The following STK3 variants were observed in gnomAD, a reference collection of about 807,000 sequenced individuals.
The protein encoded by STK3 is serine/threonine-protein kinase 3.
STK3 carries 41 observed loss-of-function variants against 58.0 expected under a neutral mutation model. The ratio of observed to expected loss-of-function variants is 0.71; its 90% CI spans 0.55 to 0.92. The LOEUF (loss-of-function observed/expected upper bound fraction) is 0.92. Ranked by LOEUF, STK3 falls within the 40% of genes least tolerant of loss-of-function variation. The pLI, the probability that STK3 is intolerant of heterozygous loss-of-function variation, is 0.00. For missense variants in STK3, 479 were observed against 602.7 expected, an observed-to-expected ratio of 0.79 and a Z score of 2.15; for synonymous variants, 170 against 191.0, an observed-to-expected ratio of 0.89 and a Z score of 0.91.
intron 6 of STK3, among the ~76,000 whole-genome samples, chr8:98,696,430 G>A (rs923378390): frequency 6.6e-6 from 1 of 151,292 alleles, no homozygotes; most frequent in Non-Finnish European, 1.5e-5. Context: ...TCCCTGTCTT[G>A]TGCCAGTTTT....
At chr8:98,531,038 T>A (rs1826136352) in intron 9 of STK3, among the ~76,000 whole-genome samples, 1 of 152,208 alleles carries the variant, frequency 6.6e-6, no homozygotes, top group Admixed American at 6.5e-5. Flanking sequence ...CTTTAACCCC[T>A]TAAAGTCATC....
chr8:98,511,658 G>A (rs987387168), intron 10 of STK3, among the ~76,000 whole-genome samples: 3 of 152,062 alleles, frequency 2.0e-5, no homozygotes, highest in Non-Finnish European at 2.9e-5. Flanking sequence ...ATATATGGGT[G>A]TATAAATACC....
At chr8:98,721,420 C>T (rs1339676759) in intron 4 of STK3, among the ~76,000 whole-genome samples, 1 of 151,980 alleles carries the variant, frequency 6.6e-6, no homozygotes, top group Non-Finnish European at 1.5e-5. Flanking sequence ...GTCTCAGCTA[C>T]CCAGCAGACT....
At chr8:98,647,671 T>C (rs1450073315) in intron 6 of STK3, among the ~76,000 whole-genome samples, 1 of 152,164 alleles carries the variant, frequency 6.6e-6, no homozygotes, top group African/African-American at 2.4e-5. Flanking sequence ...CACGCCCAGA[T>C]AATTTCTGTA....
upstream of STK3, among the ~76,000 whole-genome samples, chr8:98,828,591 A>G (rs1297509870): frequency 6.6e-6 from 1 of 151,554 alleles, no homozygotes; most frequent in Non-Finnish European, 1.5e-5. Flanking sequence ...AAAAGAAAGA[A>G]AAGAAAGAAA....
Position 98,494,240 on chromosome 8 carries a change from T to C in STK3, c.1317+32502A>G, listed in dbSNP as rs374193726. Among the ~76,000 whole-genome samples, 4 of 152,310 alleles carry C rather than the reference T, an allele frequency of 2.6e-5. No homozygotes were observed. In the East Asian group the frequency reaches 7.7e-4, roughly 29 times the overall value. On this transcript the variant is annotated intron_variant, in intron 10 of 10. Transcript: ENST00000419617. ...CTCTAGCAACACTGAACATGCTTTC[T>C]TATGGCTAGTCCTTCTGTAAATACT...
At chr8:98,877,569 C>T (rs529155799) in intron 3 of STK3, among the ~76,000 whole-genome samples, 5 of 151,998 alleles carry the variant, frequency 3.3e-5, no homozygotes, top group South Asian at 2.1e-4. Flanking sequence ...CCACAACTTC[C>T]GCCTCCCGGG....
At chr8:98,376,025 G>T (rs1359018825) in intron 2 of STK3, among the ~76,000 whole-genome samples, 2 of 152,260 alleles carry the variant, frequency 1.3e-5, no homozygotes, top group East Asian at 3.9e-4. Flanking sequence ...ATCCCATTTT[G>T]CATTCCCACC....
chr8:98,419,579 C>A (rs1818148805), intron 3 of STK3, among the ~76,000 whole-genome samples: 1 of 152,178 alleles, frequency 6.6e-6, no homozygotes. Flanking sequence ...AGAGCCTGGG[C>A]ATCCTGGGCT....
At chr8:98,434,711 A>G (rs1354026713) in intron 2 of STK3, among the ~76,000 whole-genome samples, 1 of 152,212 alleles carries the variant, frequency 6.6e-6, no homozygotes, top group Non-Finnish European at 1.5e-5. Flanking sequence ...GGAAAGAGAT[A>G]CAAGAGAAGG....
chr8:98,875,665 C>G (rs1837539507), intron 3 of STK3: 1 of 152,170 alleles, frequency 6.6e-6, no homozygotes, highest in Admixed American at 6.5e-5. Context: ...TGGAAAAATT[C>G]CTCTCATTCT....
the STK3 span, among the ~76,000 whole-genome samples, chr8:98,355,962 C>T: frequency 1.3e-5 from 2 of 152,138 alleles, no homozygotes; most frequent in African/African-American, 2.4e-5. Flanking sequence ...TTTCAGATGG[C>T]GGTTGCTCCA....
At chr8:98,625,614 C>G (rs1818653660) in intron 6 of STK3, among the ~76,000 whole-genome samples, 1 of 152,178 alleles carries the variant, frequency 6.6e-6, no homozygotes, top group East Asian at 1.9e-4. Flanking sequence ...CATAATGATG[C>G]CAGGATGAAC....
At chr8:98,864,773 C>T (rs2131859677) in intron 3 of STK3, among the ~76,000 whole-genome samples, 1 of 152,278 alleles carries the variant, frequency 6.6e-6, no homozygotes, top group East Asian at 1.9e-4. Flanking sequence ...TGTCACATAA[C>T]ACTCTGAACA....
the STK3 span, among the ~76,000 whole-genome samples, chr8:98,344,589 T>C: frequency 1.3e-5 from 2 of 151,804 alleles, no homozygotes; most frequent in Non-Finnish European, 2.9e-5. Context: ...ACAGGAGCCA[T>C]GAGTAGAAAA....
At chr8:98,937,000 T>G (rs566515511) in intron 1 of STK3, among the ~76,000 whole-genome samples, 26 of 152,344 alleles carry the variant, frequency 1.7e-4, no homozygotes, top group African/African-American at 6.0e-4. Context: ...CTTCTCATAC[T>G]GGTATGTCTC....
chr8:98,806,198 C>T (rs561144167), intron 1 of STK3, among the ~76,000 whole-genome samples: 1 of 152,054 alleles, frequency 6.6e-6, no homozygotes, highest in Admixed American at 6.6e-5. Context: ...AATAACATAT[C>T]TAATAAATAA....
intron 6 of STK3, among the ~76,000 whole-genome samples, chr8:98,619,541 G>A: frequency 7.6e-6 from 1 of 130,810 alleles, no homozygotes; most frequent in African/African-American, 3.0e-5. Context: ...CTACAACATG[G>A]GAGAAAATTT....
At chr8:98,362,733 A>G in the STK3 span, among the ~76,000 whole-genome samples, 5 of 152,310 alleles carry the variant, frequency 3.3e-5, no homozygotes, top group African/African-American at 1.2e-4. Flanking sequence ...GGGCAAAAGT[A>G]TGATGCTTCC....
Sources: allele counts gnomAD v4.1 joint callset (sites outside exome capture counted in the v4.1 genomes callset), GRCh38; gene constraint gnomAD v4.1.1; transcripts MANE v1.5; gene names NCBI Gene and HGNC (gene_info 2026-07-23, HGNC 2026-07-21).